Variants in ARHGAP8 observed in about 807,000 individuals in gnomAD.
The protein encoded by ARHGAP8 is Rho GTPase activating protein 8.
Under a neutral mutation model 46.1 loss-of-function variants are expected in ARHGAP8, and 62 were observed. The observed-to-expected ratio is 1.34, with a 90% CI of 1.10 to 1.66. The LOEUF (loss-of-function observed/expected upper bound fraction) is 1.66. Among genes scored for constraint, ARHGAP8 ranks in the 40% most tolerant of loss-of-function variants. The pLI is 0.00. For missense variants in ARHGAP8, 923 were observed against 568.4 expected, an observed-to-expected ratio of 1.62 and a Z score of -6.34; for synonymous variants, 375 against 243.1, an observed-to-expected ratio of 1.54 and a Z score of -5.05.
At chr22:44,816,235 C>T (rs145703153) in intron 5 of ARHGAP8, among the ~76,000 whole-genome samples, 4 of 152,268 alleles carry the variant, frequency 2.6e-5, no homozygotes, top group Admixed American at 6.5e-5. Context: ...GTGGGTGTGA[C>T]GCTCCGTGTA....
At chr22:44,756,529 G>C (rs1569129262) in intron 1 of ARHGAP8, among the ~76,000 whole-genome samples, 1 of 151,722 alleles carries the variant, frequency 6.6e-6, no homozygotes. Context: ...ATCTCCCAGC[G>C]TCAACTATAG....
In ARHGAP8 at chr22:44,816,803, C is replaced by CAAAA. The variant is rs1183457228; in HGVS notation, c.386+2063_386+2066dup. The stretch of plus-strand genomic sequence containing the variant: ...CTGGGCAACAAGCAAGACCCTGTCT[C>CAAAA]AAAAAAAAAAAAAAAAAAAAAGAAC... On this transcript the variant is annotated intron_variant, in intron 5 of 11. Coordinates refer to ENST00000356099, the MANE Select transcript of ARHGAP8 (RefSeq NM_181335.3). Among the ~76,000 whole-genome samples the CAAAA allele has an allele frequency of 1.5e-3, 97 of 66,210 alleles. 2 individuals are homozygous for CAAAA. Among genetic ancestry groups the CAAAA allele is most frequent in the East Asian group, 3.3e-3 (7 of 2,090 alleles). 43.4% of individuals were successfully genotyped at this position (66,210 alleles called of 152,430 possible). A position where few individuals can be genotyped will look rare whatever the true frequency, so the allele number is the denominator to read the frequency against.
At chr22:44,790,222 A>C (rs1414837137) in intron 2 of ARHGAP8, among the ~76,000 whole-genome samples, 1 of 152,028 alleles carries the variant, frequency 6.6e-6, no homozygotes, top group Non-Finnish European at 1.5e-5. Flanking sequence ...GGTTTGAGTT[A>C]ATGTCGTGGC....
intron 7 of ARHGAP8, among the ~76,000 whole-genome samples, chr22:44,836,385 G>T (rs1436660618): frequency 6.6e-6 from 1 of 151,910 alleles, no homozygotes; most frequent in Non-Finnish European, 1.5e-5. Flanking sequence ...CAGGTATAAT[G>T]AGGACTTTGA....
At chr22:44,756,260 G>T (rs1045103751) in intron 1 of ARHGAP8, among the ~76,000 whole-genome samples, 9 of 151,992 alleles carry the variant, frequency 5.9e-5, no homozygotes, top group African/African-American at 2.2e-4. Context: ...ACAAGCAAAG[G>T]AAACTCAGAC....
intron 8 of ARHGAP8, among the ~76,000 whole-genome samples, chr22:44,845,894 G>C (rs1183478313): frequency 1.3e-5 from 2 of 152,132 alleles, no homozygotes; most frequent in Non-Finnish European, 2.9e-5. Flanking sequence ...TCCCACGGAG[G>C]AGCAGGCACC....
chr22:44,813,812 C>T (rs550940736), intron 4 of ARHGAP8, among the ~76,000 whole-genome samples: 5 of 152,238 alleles, frequency 3.3e-5, no homozygotes, highest in Admixed American at 3.3e-4. Context: ...CAGTTACATA[C>T]ACTTACATAG....
chr22:44,837,113 G>A (rs931738614), intron 7 of ARHGAP8, among the ~76,000 whole-genome samples: 4 of 152,152 alleles, frequency 2.6e-5, no homozygotes, highest in African/African-American at 9.7e-5. Flanking sequence ...TCGAATTCCC[G>A]ACCTCAGGTG....
chr22:44,787,779 G>C (rs1175935470), intron 2 of ARHGAP8, among the ~76,000 whole-genome samples: 1 of 152,038 alleles, frequency 6.6e-6, no homozygotes, highest in Non-Finnish European at 1.5e-5. Context: ...TCTTGTCAAG[G>C]TAATAATAAA....
chr22:44,831,122 T>C (rs982551551), intron 7 of ARHGAP8, among the ~76,000 whole-genome samples: 3 of 152,248 alleles, frequency 2.0e-5, no homozygotes, highest in African/African-American at 4.8e-5. Context: ...GTGTTGTCTT[T>C]ACACCTTTTG....
intron 1 of ARHGAP8, among the ~76,000 whole-genome samples, chr22:44,777,689 T>C (rs2147027917): frequency 6.6e-6 from 1 of 152,160 alleles, no homozygotes; most frequent in South Asian, 2.1e-4. Flanking sequence ...TTTGTTTTAT[T>C]TTATTTAGTT....
chr22:44,862,668 G>T lies in ARHGAP8; in HGVS notation c.*73G>T. 5 of 1,476,310 alleles carry T rather than the reference G, an allele frequency of 3.4e-6. No individual in the cohort carries two copies. The highest frequency in any genetic ancestry group is 1.4e-5 in the African/African-American group (1 of 71,058). 91.5% of individuals were successfully genotyped at this position (1,476,310 alleles called of 1,614,324 possible). A position where few individuals can be genotyped will look rare whatever the true frequency, so the allele number is the denominator to read the frequency against. On this transcript the variant is annotated 3_prime_UTR_variant, in exon 12 of 12. Coordinates refer to ENST00000356099, the MANE Select transcript of ARHGAP8 (RefSeq NM_181335.3). ...TGCACTTGTATGTTTTGTAAACTTGGCATCTGTAAAAATAACCAGCCATTA... is the reference window on the plus strand; with the variant it reads ...TGCACTTGTATGTTTTGTAAACTTGTCATCTGTAAAAATAACCAGCCATTA...
At position 44,862,777 on chromosome 22, in the gene ARHGAP8, T is replaced by G; in HGVS notation, c.*182T>G. 1.1e-5 allele frequency: 8 copies of G among 695,800 alleles called. No individual in the cohort carries two copies. The highest frequency in any genetic ancestry group is 1.8e-5 in the African/African-American group (1 of 56,726). 43.1% of individuals were successfully genotyped at this position (695,800 alleles called of 1,614,324 possible). A position where few individuals can be genotyped will look rare whatever the true frequency, so the allele number is the denominator to read the frequency against. ...ATGGTTCCTGAGCTGTGGACCGGGA[T>G]AGAATAATGCATTTGTTAGGATGGA... On this transcript the variant is annotated 3_prime_UTR_variant, in exon 12 of 12. Coordinates refer to ENST00000356099, the MANE Select transcript of ARHGAP8 (RefSeq NM_181335.3).
At chr22:44,763,797 CTTTTCTTTTTTTTTT>C (rs1318418726) in intron 1 of ARHGAP8, among the ~76,000 whole-genome samples, 6 of 117,220 alleles carry the variant, frequency 5.1e-5, no homozygotes, top group Non-Finnish European at 1.1e-4. Flanking sequence ...TTTTCTTTTT[CTTTTCTTTTTTTTTT>C]TTTTTTGAGA....
chr22:44,860,990 C>A (rs1011608465), intron 11 of ARHGAP8, among the ~76,000 whole-genome samples: 2 of 126,156 alleles, frequency 1.6e-5, no homozygotes, highest in Admixed American at 7.9e-5. Flanking sequence ...AGGCCCAAAA[C>A]TAAACTCTCC....
At chr22:44,793,535 A>G (rs1927857915) in intron 2 of ARHGAP8, among the ~76,000 whole-genome samples, 1 of 152,180 alleles carries the variant, frequency 6.6e-6, no homozygotes, top group South Asian at 2.1e-4. Flanking sequence ...AACTTCAAAC[A>G]AAAACCATAG....
chr22:44,843,112 C>T (rs1158832690), intron 7 of ARHGAP8, among the ~76,000 whole-genome samples: 2 of 152,172 alleles, frequency 1.3e-5, no homozygotes, highest in Non-Finnish European at 2.9e-5. Flanking sequence ...GGCACGGAAG[C>T]CTTTCTCTCT....
At chr22:44,782,833 C>G (rs1926940126) in intron 1 of ARHGAP8, among the ~76,000 whole-genome samples, 1 of 152,184 alleles carries the variant, frequency 6.6e-6, no homozygotes, top group Non-Finnish European at 1.5e-5. Context: ...GTCCCCGTCT[C>G]CAGCTTTCCT....
At chr22:44,819,861 G>A (rs1930003604) in intron 5 of ARHGAP8, among the ~76,000 whole-genome samples, 1 of 152,144 alleles carries the variant, frequency 6.6e-6, no homozygotes, top group South Asian at 2.1e-4. Context: ...AGGGGGCGTG[G>A]GCTGGGATCC....
Sources: gnomAD v4.1 joint callset for allele counts (sites outside exome capture counted in the v4.1 genomes callset) on GRCh38, gnomAD v4.1.1 for gene constraint, MANE v1.5 for transcripts, NCBI Gene and HGNC (gene_info 2026-07-23, HGNC 2026-07-21) for gene names.